F9: variants seen among roughly 807,000 people sequenced by gnomAD.
F9 encodes coagulation factor IX.
A neutral mutation model predicts 34.1 loss-of-function variants in F9; 2 were observed. That is an observed-to-expected ratio of 0.06 (90% CI 0.02 to 0.18). The LOEUF is 0.18. F9 is among the 10% of genes least tolerant of loss of function. F9 has a pLI of 1.00. For missense variants in F9, 216 were observed against 345.1 expected, an observed-to-expected ratio of 0.63 and a Z score of 2.96; for synonymous variants, 137 against 118.8, an observed-to-expected ratio of 1.15 and a Z score of -1.00.
intron 1 of F9, among the ~76,000 whole-genome samples, chrX:139,532,209 A>T (rs1927359020): frequency 8.9e-6 from 1 of 111,851 alleles, no homozygotes; most frequent in Non-Finnish European, 1.9e-5. Flanking sequence ...GAGAAAGGCA[A>T]TGTGATTCTG....
chrX:139,543,764 T>C (rs772818428), intron 4 of F9, among the ~76,000 whole-genome samples: 1 of 111,705 alleles, frequency 9.0e-6, no homozygotes, highest in African/African-American at 3.2e-5. Context: ...TGCTTTGAGA[T>C]GTTCTTCAAC....
chrX:139,551,838 T>A (rs7891138), intron 6 of F9, among the ~76,000 whole-genome samples: 1 of 110,561 alleles, frequency 9.0e-6, no homozygotes, highest in Non-Finnish European at 1.9e-5. Flanking sequence ...ATCTAGGGGG[T>A]GGGGCCCAGC....
intron 3 of F9, among the ~76,000 whole-genome samples, chrX:139,538,490 T>C (rs1490358744): frequency 1.8e-5 from 2 of 111,794 alleles, no homozygotes; most frequent in Non-Finnish European, 1.9e-5. Flanking sequence ...TTTTCTACAG[T>C]TTATGTTCTG....
chrX:139,532,477 A>T (rs1474400047), intron 1 of F9, among the ~76,000 whole-genome samples: 2 of 111,785 alleles, frequency 1.8e-5, no homozygotes, highest in Non-Finnish European at 3.8e-5. Context: ...TGCATCAAAG[A>T]TGTCCTTCAT....
intron 6 of F9, among the ~76,000 whole-genome samples, chrX:139,556,174 A>T (rs1173006967): frequency 9.0e-6 from 1 of 110,821 alleles, no homozygotes; most frequent in Non-Finnish European, 1.9e-5. Context: ...CTATTAGATT[A>T]AAAAAAAAGA....
intron 1 of F9, among the ~76,000 whole-genome samples, chrX:139,534,445 C>T (rs1230652266): frequency 1.8e-5 from 2 of 112,063 alleles, no homozygotes; most frequent in African/African-American, 6.5e-5. Context: ...CACTCAACCA[C>T]ACTGTACAGT....
At chrX:139,557,112 A>C (rs192654244) in intron 6 of F9, among the ~76,000 whole-genome samples, 36 of 111,915 alleles carry the variant, frequency 3.2e-4, no homozygotes, top group African/African-American at 1.1e-3. Context: ...TGTGAGTCTG[A>C]AAGAGGGAAA....
At chrX:139,532,502 G>A in intron 1 of F9, among the ~76,000 whole-genome samples, 1 of 111,666 alleles carries the variant, frequency 9.0e-6, no homozygotes, top group East Asian at 2.8e-4. Flanking sequence ...ACATTACTGA[G>A]TTACAACTAT....
intron 4 of F9, 140 bp downstream of exon 4, chrX:139,541,329 T>C: frequency 5.4e-6 from 2 of 371,510 alleles, no homozygotes; most frequent in South Asian, 6.2e-5. Flanking sequence ...TTTGTAGTGA[T>C]AGTTTTCAGG....
intron 3 of F9, among the ~76,000 whole-genome samples, chrX:139,540,132 GCCTACCATCTC>G (rs2148357541): frequency 9.0e-6 from 1 of 111,045 alleles, no homozygotes; most frequent in Non-Finnish European, 1.9e-5. Context: ...AGTTCAAAGT[GCCTACCATCTC>G]CCTTCTGGTT....
chrX:139,531,163 G>A (rs1454748476), intron 1 of F9, among the ~76,000 whole-genome samples: 1 of 111,334 alleles, frequency 9.0e-6, no homozygotes, highest in Non-Finnish European at 1.9e-5. Context: ...AATTAAAAGT[G>A]GGAAAACAAA....
intron 1 of F9, among the ~76,000 whole-genome samples, chrX:139,534,274 G>T (rs1421922192): frequency 8.9e-6 from 1 of 112,152 alleles, no homozygotes; most frequent in Non-Finnish European, 1.9e-5. Flanking sequence ...GCCAACACCT[G>T]TGAGATAGAT....
chrX:139,560,884 C>A, intron 7 of F9, 29 bp downstream of exon 7: 2 of 977,688 alleles, frequency 2.0e-6, no homozygotes, highest in East Asian at 3.0e-5. Context: ...TAATAATCTG[C>A]AGCACCACTA....
At chrX:139,535,422 GA>G (rs1927436333) in intron 1 of F9, among the ~76,000 whole-genome samples, 1 of 111,712 alleles carries the variant, frequency 9.0e-6, no homozygotes, top group South Asian at 3.7e-4. Flanking sequence ...AGCCCAAAAG[GA>G]ACTTGCAGAG....
In F9 at chrX:139,561,675, C is replaced by T. The variant is rs1928109999; in HGVS notation, c.990C>T (p.Tyr330=). The change falls in exon 8 of 8, where the codon TAC becomes TAT. Residue 330 remains tyrosine (Y), a synonymous_variant. Transcript: ENST00000218099. ...ELDEPLVLNS[Y]VTPICIADKE... is the part of the protein sequence containing the mutation. ...ACGAACCCTTAGTGCTAAACAGCTA[C>T]GTTACACCTATTTGCATTGCTGACA... is the stretch of plus-strand genomic sequence containing the variant. 7.4e-6 allele frequency: 9 copies of T among 1,210,331 alleles called. No homozygotes were observed. Among genetic ancestry groups the T allele is most frequent in the East Asian group, 5.9e-5 (2 of 33,762 alleles).
At chrX:139,541,951 T>C (rs1927611982) in intron 4 of F9, among the ~76,000 whole-genome samples, 1 of 111,938 alleles carries the variant, frequency 8.9e-6, no homozygotes, top group Non-Finnish European at 1.9e-5. Context: ...TTACTGGTAC[T>C]GTGATTGAGA....
chrX:139,552,262 A>G (rs1029195785), intron 6 of F9, among the ~76,000 whole-genome samples: 7 of 112,001 alleles, frequency 6.2e-5, no homozygotes, highest in African/African-American at 2.3e-4. Context: ...GGTTCAAAAC[A>G]CCAAATAATG....
chrX:139,553,158 A>G (rs1395740285), intron 6 of F9, among the ~76,000 whole-genome samples: 1 of 111,469 alleles, frequency 9.0e-6, no homozygotes, highest in African/African-American at 3.3e-5. Context: ...ATAACTCATA[A>G]ATGGGACACT....
chrX:139,546,723 A>T (rs1330758871), intron 4 of F9, among the ~76,000 whole-genome samples: 1 of 111,992 alleles, frequency 8.9e-6, no homozygotes, highest in East Asian at 2.8e-4. Context: ...TAGCATTAAA[A>T]ATTAGACGCT....
Sources: gnomAD v4.1 joint callset for allele counts (sites outside exome capture counted in the v4.1 genomes callset) on GRCh38, gnomAD v4.1.1 for gene constraint, MANE v1.5 for transcripts, NCBI Gene and HGNC (gene_info 2026-07-23, HGNC 2026-07-21) for gene names.